Variants in VEGFC observed in about 807,000 individuals in gnomAD.
The protein encoded by VEGFC is vascular endothelial growth factor C, also known as FLT4 ligand DHM.
A neutral mutation model predicts 46.1 loss-of-function variants in VEGFC; 12 were observed. That is an observed-to-expected ratio of 0.26 (90% CI 0.17 to 0.42). The LOEUF (loss-of-function observed/expected upper bound fraction) is 0.42. Ranked by LOEUF, VEGFC falls within the 10% of genes least tolerant of loss-of-function variation. VEGFC has a pLI of 1.00. For missense variants in VEGFC, 488 were observed against 529.4 expected (o/e 0.92, Z 0.77); for synonymous variants, 232 against 195.5 (o/e 1.19, Z -1.56).
intron 1 of VEGFC, among the ~76,000 whole-genome samples, chr4:176,748,547 GAAGA>G (rs1234798908): frequency 6.6e-6 from 1 of 151,978 alleles, no homozygotes; most frequent in African/African-American, 2.4e-5. Context: ...AGGAAAGAAG[GAAGA>G]AAGAAAGGGA....
chr4:176,696,794 C>G (rs1008860269), intron 4 of VEGFC, among the ~76,000 whole-genome samples: 7 of 152,140 alleles, frequency 4.6e-5, no homozygotes, highest in African/African-American at 9.7e-5. Flanking sequence ...AGATATAGAT[C>G]AATGGAACAG....
chr4:176,764,279 C>A (rs1390014327), intron 1 of VEGFC, among the ~76,000 whole-genome samples: 2 of 152,060 alleles, frequency 1.3e-5, no homozygotes, highest in African/African-American at 4.8e-5. Context: ...AAAATCCAGG[C>A]AGAAAACAAC....
intron 1 of VEGFC, among the ~76,000 whole-genome samples, chr4:176,753,877 A>C (rs1288783404): frequency 6.6e-6 from 1 of 152,108 alleles, no homozygotes; most frequent in African/African-American, 2.4e-5. Context: ...TCTTTTGGAT[A>C]TCTGATTTCT....
intron 4 of VEGFC, chr4:176,705,892 C>G (rs954697267): frequency 6.6e-6 from 1 of 152,018 alleles, no homozygotes. Flanking sequence ...TACTTATGTG[C>G]TCTTTTGTAG....
intron 1 of VEGFC, among the ~76,000 whole-genome samples, chr4:176,732,861 C>T (rs1429875778): frequency 6.6e-6 from 1 of 151,566 alleles, no homozygotes; most frequent in Non-Finnish European, 1.5e-5. Flanking sequence ...TTCTGCTTTC[C>T]ATAAAACACA....
chr4:176,718,414 C>T (rs1734729819), intron 3 of VEGFC, among the ~76,000 whole-genome samples: 1 of 152,046 alleles, frequency 6.6e-6, no homozygotes, highest in Admixed American at 6.6e-5. Context: ...GCATATTTTA[C>T]TTAGGTTTAA....
At chr4:176,772,999 T>C (rs1173431907) in intron 1 of VEGFC, among the ~76,000 whole-genome samples, 1 of 152,208 alleles carries the variant, frequency 6.6e-6, no homozygotes, top group East Asian at 1.9e-4. Flanking sequence ...ATTTCAATAT[T>C]GTTAGAAAGT....
chr4:176,687,479 CCTT>C lies in VEGFC; in HGVS notation c.850_852del (p.Lys284del). On this transcript the variant is annotated inframe_deletion, in exon 6 of 7. Transcript: ENST00000618562. ...CACTGACAGGTCTCTTCATCCAGCT[CCTT>C]GTTTGGTCCACAGATGTCATGGAAT... 1 of 1,612,910 alleles carries C rather than the reference CCTT, an allele frequency of 6.2e-7. No homozygotes were observed. Among genetic ancestry groups the C allele is most frequent in the Non-Finnish European group, 8.5e-7 (1 of 1,179,478 alleles).
At chr4:176,694,210 T>C in intron 4 of VEGFC, among the ~76,000 whole-genome samples, 1 of 151,002 alleles carries the variant, frequency 6.6e-6, no homozygotes, top group South Asian at 2.1e-4. Flanking sequence ...TCAAGACCCA[T>C]CAGTGTGCTG....
At position 176,683,966 on chromosome 4, in the gene VEGFC, C is replaced by T. The variant is rs776421656; in HGVS notation, c.1220G>A (p.Arg407His). The stretch of plus-strand genomic sequence containing the variant: ...TCTTTTCCAATATGAAGGGACACAA[C>T]GACACACTTCTTCACTATATGAAAA... ...PGFSYSEEVC[R>H]CVPSYWKRPQ... The change falls in exon 7 of 7, where the codon CGT becomes CAT. Residue 407 changes from arginine (R) to histidine (H), a missense_variant. Coordinates refer to ENST00000618562, the MANE Select transcript of VEGFC (RefSeq NM_005429.5). 71 of 1,614,052 alleles carry T rather than the reference C, an allele frequency of 4.4e-5. 1 individual carries two copies. The highest frequency in any genetic ancestry group is 1.6e-4 in the Middle Eastern group (1 of 6,084).
chr4:176,699,379 C>A (rs181340092), intron 4 of VEGFC, among the ~76,000 whole-genome samples: 58 of 152,280 alleles, frequency 3.8e-4, no homozygotes, highest in Admixed American at 2.2e-3. Flanking sequence ...ATAAGGGAAA[C>A]CTGACTCCAT....
At chr4:176,766,956 G>T (rs1182094560) in intron 1 of VEGFC, among the ~76,000 whole-genome samples, 1 of 42,070 alleles carries the variant, frequency 2.4e-5, no homozygotes, top group Admixed American at 3.7e-4. Context: ...AATCATAGAG[G>T]AAAAACAAGA....
intron 6 of VEGFC, among the ~76,000 whole-genome samples, chr4:176,685,064 G>A (rs1166852974): frequency 1.3e-5 from 2 of 152,166 alleles, no homozygotes; most frequent in East Asian, 1.9e-4. Context: ...TTTGGAGTAT[G>A]AGCATGCCTA....
intron 4 of VEGFC, among the ~76,000 whole-genome samples, chr4:176,702,379 G>T (rs775184302): frequency 1.3e-5 from 2 of 151,662 alleles, no homozygotes; most frequent in Non-Finnish European, 2.9e-5. Context: ...ACCACGAGGC[G>T]ACTGTCTTCC....
At chr4:176,778,328 A>G (rs1735850017) in intron 1 of VEGFC, among the ~76,000 whole-genome samples, 1 of 152,166 alleles carries the variant, frequency 6.6e-6, no homozygotes, top group East Asian at 1.9e-4. Context: ...TTCGATTGCT[A>G]TTTGCTCACA....
rs1315921066 is a variant in VEGFC, at chr4:176,692,453, C to T, written c.705-4526G>A. 4.2e-4 allele frequency among the ~76,000 whole-genome samples: 57 copies of T among 134,834 alleles called. 7 individuals carry two copies. Among genetic ancestry groups the T allele is most frequent in the Non-Finnish European group, 5.9e-4 (39 of 66,330 alleles). 88.5% of individuals were successfully genotyped at this position (134,834 alleles called of 152,430 possible). A position where few individuals can be genotyped will look rare whatever the true frequency, so the allele number is the denominator to read the frequency against. ...AAAAACGGCACACCACGAGATTATA[C>T]CCGCACCTGGCTCGAGGGTCCTACG... On this transcript the variant is annotated intron_variant, in intron 4 of 6. Coordinates refer to ENST00000618562, the MANE Select transcript of VEGFC (RefSeq NM_005429.5).
intron 3 of VEGFC, among the ~76,000 whole-genome samples, chr4:176,713,767 G>C (rs192906748): frequency 1.3e-5 from 2 of 152,312 alleles, no homozygotes; most frequent in East Asian, 3.9e-4. Context: ...AAAGGAACTA[G>C]TGAATATGTC....
At chr4:176,780,388 A>AAAAAAAAAAAC in intron 1 of VEGFC, among the ~76,000 whole-genome samples, 1 of 21,846 alleles carries the variant, frequency 4.6e-5, no homozygotes, top group African/African-American at 1.2e-4. Flanking sequence ...TCTCAAAAAA[A>AAAAAAAAAAAC]AAAAAAAAAA....
intron 1 of VEGFC, among the ~76,000 whole-genome samples, chr4:176,753,635 A>G (rs1354091732): frequency 2.0e-5 from 3 of 152,116 alleles, no homozygotes; most frequent in Admixed American, 2.0e-4. Flanking sequence ...AGTCCACTAA[A>G]GTGCTTTTAT....
Sources: gnomAD v4.1 joint callset for allele counts (sites outside exome capture counted in the v4.1 genomes callset) on GRCh38, gnomAD v4.1.1 for gene constraint, MANE v1.5 for transcripts, NCBI Gene and HGNC (gene_info 2026-07-23, HGNC 2026-07-21) for gene names.